Variants in DEFB123 observed in about 807,000 individuals in gnomAD.
DEFB123 encodes the protein beta-defensin 123.
For synonymous variants in DEFB123, 22 were observed against 28.3 expected (o/e 0.78, Z 0.71); for missense variants, 71 against 75.0 (o/e 0.95, Z 0.20).
intron 1 of DEFB123, among the ~76,000 whole-genome samples, chr20:31,443,161 G>A (rs1568749321): frequency 6.6e-6 from 1 of 152,178 alleles, no homozygotes; most frequent in Non-Finnish European, 1.5e-5. Flanking sequence ...CATGACTGAT[G>A]AAATCTCTCA....
At chr20:31,447,885 C>T (rs1246128467) in intron 1 of DEFB123, among the ~76,000 whole-genome samples, 7 of 144,294 alleles carry the variant, frequency 4.9e-5, no homozygotes, top group Non-Finnish European at 9.0e-5. Flanking sequence ...CTCCCGGGTT[C>T]ACGCCATTGT....
chr20:31,441,889 T>C (rs1342092746), intron 1 of DEFB123, among the ~76,000 whole-genome samples: 1 of 152,202 alleles, frequency 6.6e-6, no homozygotes, highest in Non-Finnish European at 1.5e-5. Context: ...AGAGTATCAA[T>C]TTCCTCATTT....
At chr20:31,444,369 T>G (rs1412334566) in intron 1 of DEFB123, among the ~76,000 whole-genome samples, 6 of 152,162 alleles carry the variant, frequency 3.9e-5, no homozygotes, top group Non-Finnish European at 8.8e-5. Flanking sequence ...GGGTATCTAT[T>G]TTTTAATGGC....
In DEFB123 at chr20:31,450,222, G is replaced by A. The variant is rs1568751713; in HGVS notation, c.*48G>A. 6.4e-7 allele frequency: 1 copy of A among 1,566,060 alleles called. No individual in the cohort carries two copies. Among genetic ancestry groups the A allele is most frequent in the Non-Finnish European group, 8.6e-7 (1 of 1,160,446 alleles). ...GAAAATGCAGATGAAGCTCCCAGTGGATTCCCACACTCTATCAATAAACAC... is the reference window on the plus strand; with the variant it reads ...GAAAATGCAGATGAAGCTCCCAGTGAATTCCCACACTCTATCAATAAACAC... On this transcript the variant is annotated 3_prime_UTR_variant, in exon 2 of 2. Transcript: ENST00000376309.
intron 1 of DEFB123, among the ~76,000 whole-genome samples, chr20:31,448,455 C>A (rs1979647847): frequency 6.6e-6 from 1 of 151,252 alleles, no homozygotes. Flanking sequence ...TGCCCCTCCC[C>A]TCTCCTCTCC....
chr20:31,440,820 A>G, intron 1 of DEFB123, 64 bp downstream of exon 1: 3 of 1,589,098 alleles, frequency 1.9e-6, no homozygotes, highest in East Asian at 2.2e-5. Flanking sequence ...AGAGAATCCC[A>G]AGGGCTAGAA....
In DEFB123 at chr20:31,440,672, G is replaced by C. The variant is rs1568748497; in HGVS notation, c.-27G>C. 1 of 1,613,272 alleles carries C rather than the reference G, an allele frequency of 6.2e-7. No individual in the cohort carries two copies. Among genetic ancestry groups the C allele is most frequent in the Non-Finnish European group, 8.5e-7 (1 of 1,179,972 alleles). On this transcript the variant is annotated 5_prime_UTR_variant, in exon 1 of 2. Coordinates refer to ENST00000376309, the MANE Select transcript of DEFB123 (RefSeq NM_153324.4). ...TTAGCTCAGCCGTGGCATCGGACTT[G>C]CAGCTTCATTTTGGGCTGCCTTAGC...
intron 1 of DEFB123, among the ~76,000 whole-genome samples, chr20:31,446,252 G>T (rs1979582498): frequency 1.3e-5 from 2 of 152,348 alleles, no homozygotes; most frequent in African/African-American, 4.8e-5. Flanking sequence ...TCAAAGCAAG[G>T]CAGGGCCACA....
Position 31,450,107 on chromosome 20 carries a change from G to A in DEFB123, c.137G>A (p.Cys46Tyr). 2 of 1,613,042 alleles carry A rather than the reference G, an allele frequency of 1.2e-6. No individual in the cohort carries two copies. Among genetic ancestry groups the A allele is most frequent in the Non-Finnish European group, 1.7e-6 (2 of 1,179,570 alleles). ...CSKKERVYVY[C>Y]INNKMCCVKP... ...AAGAAGGAAAGAGTCTATGTTTACT[G>A]CATAAATAATAAAATGTGCTGCGTG... The change falls in exon 2 of 2, where the codon TGC (cysteine) becomes TAC (tyrosine). Residue 46 changes from cysteine to tyrosine, a missense_variant. Cys to Tyr is a radical substitution (Grantham distance 194, BLOSUM62 -2). Transcript: ENST00000376309.
At position 31,440,732 on chromosome 20, in the gene DEFB123, C is replaced by T; in HGVS notation, c.34C>T (p.Leu12=). The change falls in exon 1 of 2, where the codon CTG becomes TTG. Residue 12 remains leucine (L), a synonymous_variant. Coordinates refer to ENST00000376309, the MANE Select transcript of DEFB123 (RefSeq NM_153324.4). ...KLLLLTLTVL[L]LLSQLTPGGT... The stretch of plus-strand genomic sequence containing the variant: ...CCTTTTGCTGACTTTGACTGTGCTG[C>T]TGCTCTTATCCCAGCTGACTCCAGG... 1 of 1,613,762 alleles carries T rather than the reference C, an allele frequency of 6.2e-7. No homozygotes were observed. Among genetic ancestry groups the T allele is most frequent in the South Asian group, 1.1e-5 (1 of 91,084 alleles).
In DEFB123 at chr20:31,450,226, C is replaced by G. The variant is rs1979705875; in HGVS notation, c.*52C>G. ...ATGCAGATGAAGCTCCCAGTGGATT[C>G]CCACACTCTATCAATAAACACCTCT... On this transcript the variant is annotated 3_prime_UTR_variant, in exon 2 of 2. Coordinates refer to ENST00000376309, the MANE Select transcript of DEFB123 (RefSeq NM_153324.4). The G allele has an allele frequency of 6.4e-7, 1 of 1,553,972 alleles. No individual in the cohort carries two copies. Among genetic ancestry groups the G allele is most frequent in the African/African-American group, 1.4e-5 (1 of 72,014 alleles).
At chr20:31,446,721 G>A (rs1013224010) in intron 1 of DEFB123, among the ~76,000 whole-genome samples, 2 of 152,180 alleles carry the variant, frequency 1.3e-5, no homozygotes, top group African/African-American at 4.8e-5. Flanking sequence ...CGCACATTGT[G>A]TAAGAACCTT....
At chr20:31,449,883 A>G (rs1328901006) in intron 1 of DEFB123, 146 bp from the exon 2 acceptor site, 1 of 1,054,416 alleles carries the variant, frequency 9.5e-7, no homozygotes, top group African/African-American at 1.7e-5. Context: ...AGAGTAAAGG[A>G]AAAACAGTGA....
At chr20:31,448,157 C>T (rs1979639695) in intron 1 of DEFB123, among the ~76,000 whole-genome samples, 2 of 152,050 alleles carry the variant, frequency 1.3e-5, no homozygotes, top group African/African-American at 4.8e-5. Context: ...TCAAGCAATC[C>T]TCCCATCTCA....
rs45520534 is a variant in DEFB123 at position 31,450,235 on chromosome 20, T to C, written c.*61T>C. 150,205 of 1,535,494 alleles carry C rather than the reference T, an allele frequency of 0.098. 8,149 individuals carry two copies. Among genetic ancestry groups the C allele is most frequent in the Middle Eastern group, 0.12 (552 of 4,746 alleles). ...AAGCTCCCAGTGGATTCCCACACTCTATCAATAAACACCTCTGGCTGATCC... is the reference window on the plus strand; with the variant it reads ...AAGCTCCCAGTGGATTCCCACACTCCATCAATAAACACCTCTGGCTGATCC... On this transcript the variant is annotated 3_prime_UTR_variant, in exon 2 of 2. Transcript: ENST00000376309.
At chr20:31,443,867 T>C (rs1054978558) in intron 1 of DEFB123, among the ~76,000 whole-genome samples, 7 of 152,216 alleles carry the variant, frequency 4.6e-5, no homozygotes. Flanking sequence ...TGGAAGCTAC[T>C]TTAGCTGGAC....
intron 1 of DEFB123, among the ~76,000 whole-genome samples, chr20:31,443,477 G>A (rs767648057): frequency 1.3e-5 from 2 of 152,218 alleles, no homozygotes; most frequent in African/African-American, 4.8e-5. Flanking sequence ...TCTCTGAAGA[G>A]CTACCAGTTT....
intron 1 of DEFB123, among the ~76,000 whole-genome samples, chr20:31,446,139 G>C (rs1023721564): frequency 6.6e-6 from 1 of 152,182 alleles, no homozygotes; most frequent in African/African-American, 2.4e-5. Context: ...GGTGGTTGGG[G>C]GCGCAGGAGG....
rs6120286 is a variant in DEFB123, at chr20:31,443,686, G to A, written c.58+2930G>A. Among the ~76,000 whole-genome samples the A allele has an allele frequency of 5.5e-3, 834 of 152,290 alleles. 8 individuals are homozygous for A. Among genetic ancestry groups the A allele is most frequent in the African/African-American group, 0.019 (801 of 41,544 alleles). ...GAAAGGCCTTTGTCCCTAGCTTGTT[G>A]GTGGGTCCACCATCAGGCTGGCAGA... is the stretch of plus-strand genomic sequence containing the variant. On this transcript the variant is annotated intron_variant, in intron 1 of 1. Transcript: ENST00000376309.
Sources: gnomAD v4.1 joint callset for allele counts (sites outside exome capture counted in the v4.1 genomes callset) on GRCh38, gnomAD v4.1.1 for gene constraint, MANE v1.5 for transcripts, NCBI Gene and HGNC (gene_info 2026-07-23, HGNC 2026-07-21) for gene names.